The following VCL variants were observed in gnomAD, a reference collection of about 807,000 sequenced individuals.
The protein encoded by VCL is epididymis luminal protein 114.
A neutral mutation model predicts 125.7 loss-of-function variants in VCL; 47 were observed. The ratio of observed to expected loss-of-function variants is 0.37; its 90% CI spans 0.30 to 0.48. The LOEUF is 0.48. VCL is among the 20% of genes least tolerant of loss of function. VCL has a pLI of 0.99. For missense variants in VCL, 1,069 were observed against 1,455.5 expected (o/e 0.73, Z 4.32); for synonymous variants, 458 against 514.6 (o/e 0.89, Z 1.49).
intron 1 of VCL, among the ~76,000 whole-genome samples, chr10:74,013,234 G>A (rs1223054297): frequency 6.6e-6 from 1 of 152,100 alleles, no homozygotes; most frequent in Admixed American, 6.5e-5. Context: ...AAATTTAACT[G>A]CCAATTAGGA....
chr10:74,091,402 G>A (rs1050125178), intron 10 of VCL, among the ~76,000 whole-genome samples: 8 of 152,126 alleles, frequency 5.3e-5, no homozygotes, highest in African/African-American at 1.9e-4. Context: ...GAGTAGCCAC[G>A]ATCAGAATCA....
Position 73,998,181 on chromosome 10 carries a change from C to T in VCL, c.-27C>T. On this transcript the variant is annotated 5_prime_UTR_variant, in exon 1 of 22. Coordinates refer to ENST00000211998, the MANE Select transcript of VCL (RefSeq NM_014000.3). ...GTGGATCCTACTTCTCTGTCGCCCG[C>T]GGTTCGCCGCCCCGCTCGCCGCCGC... 1 of 1,608,444 alleles carries T rather than the reference C, an allele frequency of 6.2e-7. No homozygotes were observed. The highest frequency in any genetic ancestry group is 8.5e-7 in the Non-Finnish European group (1 of 1,177,540).
chr10:74,042,575 A>G (rs923405806), intron 1 of VCL, among the ~76,000 whole-genome samples: 5 of 152,256 alleles, frequency 3.3e-5, no homozygotes, highest in Admixed American at 6.5e-5. Flanking sequence ...AAAATATCAT[A>G]TTGTTTTAAT....
intron 7 of VCL, 81 bp from the exon 8 acceptor site, chr10:74,083,285 T>C (rs1839708949): frequency 8.3e-6 from 13 of 1,569,678 alleles, no homozygotes; most frequent in African/African-American, 2.7e-5. Context: ...CATTCCTTGG[T>C]GAATGAAATG....
rs146689447 is a variant in VCL at position 74,033,040 on chromosome 10, A to C, written c.169-10043A>C. Among the ~76,000 whole-genome samples, 501 of 152,352 alleles carry C rather than the reference A, an allele frequency of 3.3e-3. 7 individuals are homozygous for C. Among genetic ancestry groups the C allele is most frequent in the Non-Finnish European group, 5.2e-3 (354 of 68,036 alleles). On this transcript the variant is annotated intron_variant, in intron 1 of 21. Coordinates refer to ENST00000211998, the MANE Select transcript of VCL (RefSeq NM_014000.3). ...CAATTGAATACCTAGGTTTATAACCAAGAGAAATGAAAACATGTTCATACA... is the reference window on the plus strand; with the variant it reads ...CAATTGAATACCTAGGTTTATAACCCAGAGAAATGAAAACATGTTCATACA...
Position 74,103,819 on chromosome 10 carries a change from G to C in VCL, c.2023-1G>C, listed in dbSNP as rs1840093670. On this transcript the variant is annotated splice_acceptor_variant, in intron 14 of 21. Coordinates refer to ENST00000211998, the MANE Select transcript of VCL (RefSeq NM_014000.3). LOFTEE classifies it high-confidence loss of function. ...GTTTAAAGGTGTTTTGTCATTGTCA[G>C]GTGGTCTCGGCTGCTCGTATCTTAC... 6.2e-7 allele frequency: 1 copy of C among 1,613,888 alleles called. No homozygotes were observed. Among genetic ancestry groups the C allele is most frequent in the African/African-American group, 1.3e-5 (1 of 74,912 alleles).
chr10:74,069,050 T>G (rs549303105), intron 2 of VCL, among the ~76,000 whole-genome samples: 39 of 152,150 alleles, frequency 2.6e-4, no homozygotes, highest in Non-Finnish European at 4.3e-4. Context: ...ATGTTTTTTT[T>G]TTTGTTTGTT....
At chr10:74,021,857 C>T (rs1164435492) in intron 1 of VCL, among the ~76,000 whole-genome samples, 7 of 152,148 alleles carry the variant, frequency 4.6e-5, no homozygotes, top group East Asian at 3.9e-4. Context: ...ACAAATGTTC[C>T]GTTGATCTTT....
At chr10:74,111,219 G>T (rs893587347) in intron 18 of VCL, among the ~76,000 whole-genome samples, 8 of 152,200 alleles carry the variant, frequency 5.3e-5, no homozygotes, top group Non-Finnish European at 1.0e-4. Context: ...GTGGCTTCTT[G>T]AGGCTCCTTA....
At chr10:74,046,310 C>T (rs759799804) in intron 2 of VCL, among the ~76,000 whole-genome samples, 3 of 152,134 alleles carry the variant, frequency 2.0e-5, no homozygotes, top group South Asian at 2.1e-4. Flanking sequence ...TGCAGTGGTG[C>T]GATCATGGCT....
At chr10:74,072,952 T>TTC in intron 5 of VCL, 100 bp downstream of exon 5, 1 of 1,558,710 alleles carries the variant, frequency 6.4e-7, no homozygotes, top group East Asian at 2.3e-5. Context: ...TTTCTTTTTT[T>TTC]TTTTTTTGAG....
intron 20 of VCL, 27 bp downstream of exon 20, chr10:74,114,414 TGTGTGTGTGTGTGTGTGTGTGTGC>T (rs762923380): frequency 8.6e-6 from 10 of 1,163,212 alleles, no homozygotes; most frequent in East Asian, 2.9e-5. Flanking sequence ...GCTGCGTGTG[TGTGTGTGTGTGTGTGTGTGTGTGC>T]GTGTGTGTGT....
chr10:74,007,360 C>A (rs1407245256), intron 1 of VCL, among the ~76,000 whole-genome samples: 6 of 152,176 alleles, frequency 3.9e-5, no homozygotes, highest in African/African-American at 1.4e-4. Context: ...GGAATATCCT[C>A]ATTATCCACA....
intron 12 of VCL, among the ~76,000 whole-genome samples, chr10:74,096,504 T>C (rs1839971903): frequency 6.6e-6 from 1 of 152,200 alleles, no homozygotes; most frequent in Non-Finnish European, 1.5e-5. Flanking sequence ...TAAAATTATC[T>C]CAGGTATCAC....
In VCL at chr10:74,119,505, A is replaced by C. The variant is rs1471845290; in HGVS notation, c.*1336A>C. On this transcript the variant is annotated 3_prime_UTR_variant, in exon 22 of 22. Coordinates refer to ENST00000211998, the MANE Select transcript of VCL (RefSeq NM_014000.3). ...GAGAGTAATGGGTTTCATATTTCTT[A>C]TCACCACAGTAAGTTCCTACTAGGC... 3 of 152,016 alleles carry C rather than the reference A, an allele frequency of 2.0e-5. No individual in the cohort carries two copies. The highest frequency in any genetic ancestry group is 4.4e-5 in the Non-Finnish European group (3 of 68,036). The allele number at this position is 152,016 out of a possible 1,614,324, so 9.4% of individuals were successfully genotyped here. A position where few individuals can be genotyped will look rare whatever the true frequency, so the allele number is the denominator to read the frequency against.
intron 2 of VCL, among the ~76,000 whole-genome samples, chr10:74,058,926 C>T (rs1301081792): frequency 6.6e-6 from 1 of 151,576 alleles, no homozygotes; most frequent in Non-Finnish European, 1.5e-5. Context: ...CGTGCGTATG[C>T]GTGAGAGAGA....
intron 6 of VCL, chr10:74,075,805 G>T (rs1191763978): frequency 6.6e-6 from 1 of 152,634 alleles, no homozygotes; most frequent in Non-Finnish European, 1.5e-5. Flanking sequence ...GATCTGTAAG[G>T]TAATGTAAAA....
At chr10:74,114,533 A>G in intron 20 of VCL, 146 bp downstream of exon 20, 2 of 1,090,786 alleles carry the variant, frequency 1.8e-6, no homozygotes, top group East Asian at 5.2e-5. Flanking sequence ...CGGGGACAGA[A>G]ATAGCAGAAA....
At chr10:74,005,684 C>T (rs1407527848) in intron 1 of VCL, among the ~76,000 whole-genome samples, 7 of 152,234 alleles carry the variant, frequency 4.6e-5, no homozygotes, top group Middle Eastern at 3.4e-3. Context: ...GAACCCCCCT[C>T]GGATACCAAA....
Sources: gnomAD v4.1 joint callset for allele counts (sites outside exome capture counted in the v4.1 genomes callset) on GRCh38, gnomAD v4.1.1 for gene constraint, MANE v1.5 for transcripts, NCBI Gene and HGNC (gene_info 2026-07-23, HGNC 2026-07-21) for gene names.